The following MAPK14 variants were observed in gnomAD, a reference collection of about 807,000 sequenced individuals.
MAPK14 encodes the protein mitogen-activated protein kinase 14.
In MAPK14, 16 loss-of-function variants were observed where a neutral mutation model predicts 49.6. The observed-to-expected ratio is 0.32, with a 90% CI of 0.22 to 0.49. The LOEUF (loss-of-function observed/expected upper bound fraction) is 0.49. Ranked by LOEUF, MAPK14 falls within the 20% of genes least tolerant of loss-of-function variation. The pLI is 0.99. For missense variants in MAPK14, 200 were observed against 441.2 expected (o/e 0.45, Z 4.90); for synonymous variants, 142 against 158.0 (o/e 0.90, Z 0.76).
In MAPK14 at chr6:36,028,768, C is replaced by G. The variant is rs1341205166; in HGVS notation, c.116+495C>G. Reference sequence around the variant, plus strand: ...CTGCGGTCATCTGAACAAAACTGACCAGGAAGGGAGCTCTCTCCGGGCCTT... The same window carrying G: ...CTGCGGTCATCTGAACAAAACTGACGAGGAAGGGAGCTCTCTCCGGGCCTT... On this transcript the variant is annotated intron_variant, in intron 1 of 11. Transcript: ENST00000229794. The surrounding 1 kb of genome is among the most constrained non-coding windows in gnomAD (Gnocchi z 5.1). Among the ~76,000 whole-genome samples, 4 of 148,488 alleles carry G rather than the reference C, an allele frequency of 2.7e-5. No individual in the cohort carries two copies. Among genetic ancestry groups the G allele is most frequent in the African/African-American group, 1.0e-4 (4 of 39,852 alleles).
intron 8 of MAPK14, among the ~76,000 whole-genome samples, chr6:36,093,350 A>G (rs553452449): frequency 1.3e-5 from 2 of 152,234 alleles, no homozygotes; most frequent in African/African-American, 4.8e-5. Context: ...CGTATTCTTC[A>G]GGTAGGTTGG....
chr6:36,106,229 T>G (rs966716303), intron 10 of MAPK14, among the ~76,000 whole-genome samples: 12 of 152,296 alleles, frequency 7.9e-5, no homozygotes, highest in Middle Eastern at 3.4e-3. Context: ...TTCCGGTTTT[T>G]GGGAAGTACA....
rs576651559 is a variant in MAPK14, at chr6:36,030,594, G to A, written c.116+2321G>A. On this transcript the variant is annotated intron_variant, in intron 1 of 11. Coordinates refer to ENST00000229794, the MANE Select transcript of MAPK14 (RefSeq NM_139012.3). ...CCCAGCTACTCAGGAGGCTGAGGCA[G>A]GAGGATGATTTGAACCCGGGAGGCG... Among the ~76,000 whole-genome samples, 4 of 151,676 alleles carry A rather than the reference G, an allele frequency of 2.6e-5. No homozygotes were observed. In the South Asian group the frequency reaches 6.2e-4, roughly 24 times the overall value.
chr6:36,037,144 T>C (rs1462687822), intron 1 of MAPK14, among the ~76,000 whole-genome samples: 1 of 152,210 alleles, frequency 6.6e-6, no homozygotes, highest in Non-Finnish European at 1.5e-5. Context: ...ATAACTTTTA[T>C]ATGCACTGGG....
At chr6:36,123,343 G>A in the MAPK14 span, among the ~76,000 whole-genome samples, 490 of 152,302 alleles carry the variant, frequency 3.2e-3, 1 homozygote, top group African/African-American at 0.011. Flanking sequence ...GACCTTGGGG[G>A]CCCCACAAGG....
At chr6:36,105,694 T>C (rs1013871244) in intron 10 of MAPK14, among the ~76,000 whole-genome samples, 2 of 152,140 alleles carry the variant, frequency 1.3e-5, no homozygotes, top group African/African-American at 4.8e-5. Flanking sequence ...ATTTCTCCAG[T>C]GGATTACTCT....
At chr6:36,115,028 T>TG (rs1766036796), downstream of MAPK14, among the ~76,000 whole-genome samples, 1 of 152,130 alleles carries the variant, frequency 6.6e-6, no homozygotes, top group African/African-American at 2.4e-5. Context: ...TAAAGCCAAC[T>TG]GGGGAGAGAG....
At chr6:36,065,507 G>GGTGTGTGTGTGT (rs386358922) in intron 3 of MAPK14, among the ~76,000 whole-genome samples, 16,768 of 122,116 alleles carry the variant, frequency 0.14, 1,222 homozygotes, top group South Asian at 0.2. Flanking sequence ...GGGCAGAAAA[G>GGTGTGTGTGTGT]GTGTGTGTGT....
At chr6:36,088,391 G>A (rs1262148345) in intron 8 of MAPK14, among the ~76,000 whole-genome samples, 1 of 152,022 alleles carries the variant, frequency 6.6e-6, no homozygotes, top group African/African-American at 2.4e-5. Flanking sequence ...GAATCTACAA[G>A]GAATTTAAAC....
chr6:36,068,630 A>G (rs1323412188), intron 3 of MAPK14, among the ~76,000 whole-genome samples: 1 of 152,246 alleles, frequency 6.6e-6, no homozygotes, highest in East Asian at 1.9e-4. Context: ...AATAGGACTG[A>G]TAGTAGTAAG....
At chr6:36,029,758 G>C (rs1762464102) in intron 1 of MAPK14, among the ~76,000 whole-genome samples, 1 of 152,152 alleles carries the variant, frequency 6.6e-6, no homozygotes, top group Admixed American at 6.6e-5. Context: ...GTTGCAGATA[G>C]CACCGTGCTT....
At chr6:36,123,099 G>A in the MAPK14 span, among the ~76,000 whole-genome samples, 1 of 152,046 alleles carries the variant, frequency 6.6e-6, no homozygotes, top group African/African-American at 2.4e-5. Context: ...AAGAAGGAAG[G>A]GAGGGAGAGA....
chr6:36,084,278 G>A (rs1333469062), intron 8 of MAPK14, among the ~76,000 whole-genome samples: 1 of 152,222 alleles, frequency 6.6e-6, no homozygotes, highest in Non-Finnish European at 1.5e-5. Flanking sequence ...CAAAAAGCCA[G>A]AGTGCTTCTT....
At chr6:36,037,554 G>A (rs1762799979) in intron 1 of MAPK14, among the ~76,000 whole-genome samples, 1 of 152,152 alleles carries the variant, frequency 6.6e-6, no homozygotes, top group African/African-American at 2.4e-5. Context: ...TAGAGAGAAA[G>A]GGGAAGGAGC....
Position 36,034,897 on chromosome 6 carries a change from CTTTTTTT to C in MAPK14, c.116+6637_116+6643del, listed in dbSNP as rs200316205. Among the ~76,000 whole-genome samples the C allele has an allele frequency of 1.5e-3, 183 of 121,022 alleles. 1 individual carries two copies. Among genetic ancestry groups the C allele is most frequent in the Non-Finnish European group, 2.6e-3 (156 of 59,708 alleles). 79.4% of individuals were successfully genotyped at this position (121,022 alleles called of 152,430 possible). The stretch of plus-strand genomic sequence containing the variant: ...TAATTCTCGCAATATTTCTTTCTTT[CTTTTTTT>C]TTTTTTTTTTTTGAGACGGAGTTCT... On this transcript the variant is annotated intron_variant, in intron 1 of 11. Transcript: ENST00000229794.
intron 1 of MAPK14, among the ~76,000 whole-genome samples, chr6:36,033,634 A>G (rs948620906): frequency 6.6e-6 from 1 of 152,242 alleles, no homozygotes; most frequent in Middle Eastern, 3.4e-3. Flanking sequence ...TCTTCTTTAA[A>G]ATAAGCTTAT....
chr6:36,049,392 A>G lies in MAPK14; in HGVS notation c.117-3307A>G, dbSNP rs575409528. Among the ~76,000 whole-genome samples, 169 of 152,198 alleles carry G rather than the reference A, an allele frequency of 1.1e-3. 1 individual carries two copies. Among genetic ancestry groups the G allele is most frequent in the Admixed American group, 1.7e-3 (26 of 15,286 alleles). ...TCTAATGAGCTCCCAGATAATGTCA[A>G]TGCTGCCGGTCCATGGAGCACACTT... On this transcript the variant is annotated intron_variant, in intron 1 of 11. Transcript: ENST00000229794.
chr6:36,052,253 A>AG (rs1763430467), intron 1 of MAPK14, among the ~76,000 whole-genome samples: 1 of 152,196 alleles, frequency 6.6e-6, no homozygotes, highest in South Asian at 2.1e-4. Context: ...AGGCCTAGGC[A>AG]GGGAAGACAG....
At chr6:36,064,922 C>T (rs1763984802) in intron 3 of MAPK14, among the ~76,000 whole-genome samples, 1 of 152,196 alleles carries the variant, frequency 6.6e-6, no homozygotes, top group African/African-American at 2.4e-5. Flanking sequence ...TCACCTAGTC[C>T]TCTTTCCACT....
Sources: gnomAD v4.1 joint callset for allele counts (sites outside exome capture counted in the v4.1 genomes callset) on GRCh38, gnomAD v4.1.1 for gene constraint, Gnocchi (gnomAD v3.1) non-coding constraint, MANE v1.5 for transcripts, NCBI Gene and HGNC (gene_info 2026-07-23, HGNC 2026-07-21) for gene names.